Variants in COL24A1 observed in about 807,000 individuals in gnomAD.
COL24A1 encodes the protein collagen type XXIV alpha 1 chain, also known as collagen alpha-1(XXIV) chain.
In COL24A1, 224 loss-of-function variants were observed where a neutral mutation model predicts 253.9. The observed-to-expected ratio is 0.88, with a 90% CI of 0.79 to 0.99. The LOEUF (loss-of-function observed/expected upper bound fraction) is 0.99, where lower values mean the gene tolerates loss of function less well. COL24A1 is among the 50% of genes least tolerant of loss of function. The probability of loss-of-function intolerance (pLI) is 0.00; values close to 1 mark genes in which losing one functional copy is unlikely to be tolerated. For missense variants in COL24A1, 2,131 were observed against 2,068.5 expected (o/e 1.03, Z -0.59); for synonymous variants, 685 against 673.7 (o/e 1.02, Z -0.26).
At chr1:85,787,077 C>T (rs1342372534) in intron 47 of COL24A1, among the ~76,000 whole-genome samples, 4 of 151,946 alleles carry the variant, frequency 2.6e-5, no homozygotes, top group Non-Finnish European at 4.4e-5. Flanking sequence ...TGGAAAAATT[C>T]TATGAAATTA....
At chr1:85,798,982 T>C (rs1225323864) in intron 47 of COL24A1, among the ~76,000 whole-genome samples, 2 of 152,136 alleles carry the variant, frequency 1.3e-5, no homozygotes, top group Admixed American at 6.5e-5. Context: ...ATGACTGAGG[T>C]ACTATGCTTG....
intron 19 of COL24A1, among the ~76,000 whole-genome samples, chr1:85,993,720 A>G (rs1694513520): frequency 1.3e-5 from 2 of 152,066 alleles, no homozygotes; most frequent in Admixed American, 6.5e-5. Flanking sequence ...TTATATGTCA[A>G]TTATACCTCA....
chr1:85,955,663 A>G (rs1210367444), intron 24 of COL24A1, among the ~76,000 whole-genome samples: 1 of 152,236 alleles, frequency 6.6e-6, no homozygotes, highest in East Asian at 1.9e-4. Context: ...TGCAGGGGGG[A>G]TAAGGGAAGT....
chr1:86,062,639 G>A (rs1196136408), intron 8 of COL24A1, among the ~76,000 whole-genome samples: 2 of 152,034 alleles, frequency 1.3e-5, no homozygotes, highest in Non-Finnish European at 2.9e-5. Flanking sequence ...TTCTGCCAAA[G>A]CAGTAACCTA....
intron 27 of COL24A1, 65 bp downstream of exon 27, chr1:85,908,533 C>T (rs1296456957): frequency 1.8e-5 from 16 of 912,668 alleles, no homozygotes; most frequent in Non-Finnish European, 2.6e-5. Context: ...TAAAGCATAA[C>T]AATTTATGAG....
intron 11 of COL24A1, among the ~76,000 whole-genome samples, chr1:86,049,014 C>A (rs76334157): frequency 6.6e-6 from 1 of 152,238 alleles, no homozygotes; most frequent in East Asian, 1.9e-4. Flanking sequence ...TAATTAACAA[C>A]GTAAACTGGA....
rs12098123 is a variant in COL24A1, at chr1:85,834,841, C to T, written c.3681+3744G>A. ...AAGCGTCAAATAAATTTATCTTGAT[C>T]TATGTGATGTACAGTTTTAGTACAG... On this transcript the variant is annotated intron_variant, in intron 43 of 59. Transcript: ENST00000370571. Among the ~76,000 whole-genome samples the T allele has an allele frequency of 5.3e-5, 8 of 152,220 alleles. No individual in the cohort carries two copies. The East Asian group carries it at 1.2e-3, about 22-fold the overall frequency.
chr1:85,758,524 G>A (rs1324359394), intron 55 of COL24A1, among the ~76,000 whole-genome samples: 3 of 152,016 alleles, frequency 2.0e-5, no homozygotes, highest in African/African-American at 7.2e-5. Context: ...TACACACTGA[G>A]GTCTGGTCAT....
intron 37 of COL24A1, among the ~76,000 whole-genome samples, chr1:85,864,215 C>T (rs1016680821): frequency 3.7e-4 from 57 of 152,240 alleles, no homozygotes; most frequent in African/African-American, 7.9e-4. Context: ...GAATACTATG[C>T]AGCCATAAAA....
At chr1:85,796,469 G>A (rs112474560) in intron 47 of COL24A1, among the ~76,000 whole-genome samples, 79 of 152,166 alleles carry the variant, frequency 5.2e-4, no homozygotes, top group Admixed American at 5.2e-4. Flanking sequence ...AGATATGTCT[G>A]GGTTCACATC....
chr1:85,882,105 C>G (rs1238554406), intron 32 of COL24A1, among the ~76,000 whole-genome samples: 1 of 152,172 alleles, frequency 6.6e-6, no homozygotes, highest in Non-Finnish European at 1.5e-5. Flanking sequence ...ATTATTTAAT[C>G]TCCAAATGTT....
chr1:86,071,906 G>T (rs1207100863), intron 7 of COL24A1, among the ~76,000 whole-genome samples: 1 of 152,054 alleles, frequency 6.6e-6, no homozygotes, highest in Admixed American at 6.6e-5. Context: ...AAGAGCAAAG[G>T]GTCAGGGAAC....
At chr1:85,819,577 C>A (rs1303131644) in intron 45 of COL24A1, among the ~76,000 whole-genome samples, 3 of 151,948 alleles carry the variant, frequency 2.0e-5, no homozygotes, top group Non-Finnish European at 2.9e-5. Context: ...AACACAAAAG[C>A]CTGACTCTTA....
At chr1:85,914,999 C>T (rs1029814314) in intron 24 of COL24A1, among the ~76,000 whole-genome samples, 3 of 152,116 alleles carry the variant, frequency 2.0e-5, no homozygotes, top group Non-Finnish European at 4.4e-5. Flanking sequence ...TTTTATGTGT[C>T]AAGGTCACTG....
chr1:85,957,193 G>C (rs1040963128), intron 24 of COL24A1, among the ~76,000 whole-genome samples: 1 of 152,106 alleles, frequency 6.6e-6, no homozygotes, highest in South Asian at 2.1e-4. Context: ...CCTGTCAGGG[G>C]ATGGGGTGCA....
chr1:86,144,830 G>A (rs1200320832), intron 2 of COL24A1, among the ~76,000 whole-genome samples: 1 of 152,032 alleles, frequency 6.6e-6, no homozygotes, highest in Non-Finnish European at 1.5e-5. Flanking sequence ...AGGCAGCAGT[G>A]AAGTAAATGT....
chr1:86,105,986 A>C (rs1704944590), intron 5 of COL24A1, among the ~76,000 whole-genome samples: 1 of 152,118 alleles, frequency 6.6e-6, no homozygotes, highest in African/African-American at 2.4e-5. Flanking sequence ...CAGATCTGTT[A>C]GGAGTGTGCC....
intron 35 of COL24A1, among the ~76,000 whole-genome samples, chr1:85,873,113 T>A (rs1350592413): frequency 4.6e-5 from 7 of 152,072 alleles, no homozygotes; most frequent in Non-Finnish European, 1.0e-4. Context: ...ATCAGAGAAA[T>A]GCAAATCAAA....
chr1:85,835,483 T>A (rs141331285), intron 43 of COL24A1, among the ~76,000 whole-genome samples: 1,789 of 152,280 alleles, frequency 0.012, 16 homozygotes, highest in Non-Finnish European at 0.017. Context: ...AGTATGTCAG[T>A]ACAACTAAGT....
Sources: gnomAD v4.1 joint callset for allele counts (sites outside exome capture counted in the v4.1 genomes callset) on GRCh38, gnomAD v4.1.1 for gene constraint, MANE v1.5 for transcripts, NCBI Gene and HGNC (gene_info 2026-07-23, HGNC 2026-07-21) for gene names.